The following GPHN variants were observed in gnomAD, a reference collection of about 807,000 sequenced individuals.
GPHN encodes gephyrin.
GPHN carries 17 observed loss-of-function variants against 95.5 expected under a neutral mutation model. That is an observed-to-expected ratio of 0.18 (90% CI 0.12 to 0.27). The LOEUF (loss-of-function observed/expected upper bound fraction) is 0.27. Among genes scored for constraint, GPHN ranks in the 10% least tolerant of loss-of-function variants. The probability of loss-of-function intolerance (pLI) is 1.00; values close to 1 mark genes in which losing one functional copy is unlikely to be tolerated. For missense variants in GPHN, 660 were observed against 978.1 expected (o/e 0.67, Z 4.34); for synonymous variants, 320 against 322.5 (o/e 0.99, Z 0.08).
chr14:67,508,761 A>AAAAAAAAAAAAAAAAAAAAAAAAAAAC, the GPHN span, among the ~76,000 whole-genome samples: 1 of 149,624 alleles, frequency 6.7e-6, no homozygotes, highest in Non-Finnish European at 1.5e-5. Flanking sequence ...CTCAAAAAAA[A>AAAAAAAAAAAAAAAAAAAAAAAAAAAC]AAAAAAAAAA....
At chr14:66,824,437 T>G in intron 3 of GPHN, 37 bp from the exon 4 acceptor site, 1 of 1,137,270 alleles carries the variant, frequency 8.8e-7, no homozygotes, top group East Asian at 2.4e-5. Context: ...AGCAGGCAAA[T>G]TTTTCTGCAC....
rs1488679863 is a variant in GPHN, at chr14:66,930,502, T to C, written c.828+6210T>C. Reference sequence around the variant, plus strand: ...TATTTTTTCTATCTATATTTTATAATAGTATGTCTCAAAAAGTTGTAGGTT... The same window carrying C: ...TATTTTTTCTATCTATATTTTATAACAGTATGTCTCAAAAAGTTGTAGGTT... On this transcript the variant is annotated intron_variant, in intron 8 of 22. Coordinates refer to ENST00000478722, the MANE Select transcript of GPHN (RefSeq NM_020806.5). Among the ~76,000 whole-genome samples, 3 of 151,028 alleles carry C rather than the reference T, an allele frequency of 2.0e-5. No homozygotes were observed. The East Asian group carries it at 5.9e-4, about 30-fold the overall frequency.
chr14:66,773,344 G>A lies in GPHN; in HGVS notation c.144-3120G>A, dbSNP rs1006255982. On this transcript the variant is annotated intron_variant, in intron 2 of 22. Coordinates refer to ENST00000478722, the MANE Select transcript of GPHN (RefSeq NM_020806.5). ...AACAAATCTTAGGAATTTTTGATTTGGGGAAATCTTTTTTTTTTTTTTTTT... is the reference window on the plus strand; with the variant it reads ...AACAAATCTTAGGAATTTTTGATTTAGGGAAATCTTTTTTTTTTTTTTTTT... Among the ~76,000 whole-genome samples the A allele has an allele frequency of 2.7e-5, 4 of 148,690 alleles. No individual in the cohort carries two copies. The East Asian group carries it at 8.0e-4, about 30-fold the overall frequency.
chr14:67,124,745 C>T (rs1253844907), intron 17 of GPHN, among the ~76,000 whole-genome samples: 1 of 152,026 alleles, frequency 6.6e-6, no homozygotes, highest in Non-Finnish European at 1.5e-5. Context: ...AAAAAGGGAG[C>T]TTTTAAATTG....
the GPHN span, chr14:67,586,815 A>T: frequency 6.9e-7 from 1 of 1,452,234 alleles, no homozygotes; most frequent in Non-Finnish European, 9.1e-7. Flanking sequence ...TGTAGAGCTA[A>T]CCAGAGCAGA....
At chr14:67,336,591 T>C in the GPHN span, 4 of 388,474 alleles carry the variant, frequency 1.0e-5, no homozygotes, top group Admixed American at 1.2e-4. Context: ...TTTTGCCTCC[T>C]AGAAAGGCAG....
At chr14:67,674,937 CGGACGAGA>C in the GPHN span, 1 of 153,028 alleles carries the variant, frequency 6.5e-6, no homozygotes, top group African/African-American at 2.4e-5. Context: ...TAGTTTGGCT[CGGACGAGA>C]GCGTCTCGTC....
the GPHN span, among the ~76,000 whole-genome samples, chr14:67,675,777 TCCCTTCTTG>T: frequency 6.6e-6 from 1 of 151,746 alleles, no homozygotes; most frequent in Non-Finnish European, 1.5e-5. Context: ...AATTACAAGG[TCCCTTCTTG>T]CACTCCATGG....
intron 5 of GPHN, among the ~76,000 whole-genome samples, chr14:66,890,398 G>A: frequency 7.4e-6 from 1 of 134,714 alleles, no homozygotes; most frequent in African/African-American, 2.9e-5. Context: ...GCAACAGAGT[G>A]AGACCCTGTC....
intron 5 of GPHN, among the ~76,000 whole-genome samples, chr14:66,914,795 AAG>A (rs2065829516): frequency 6.6e-6 from 1 of 152,104 alleles, no homozygotes; most frequent in Non-Finnish European, 1.5e-5. Flanking sequence ...TATTGACAAA[AAG>A]CTAAAATGTA....
At chr14:67,340,865 G>A in the GPHN span, among the ~76,000 whole-genome samples, 10 of 152,172 alleles carry the variant, frequency 6.6e-5, no homozygotes, top group Non-Finnish European at 8.8e-5. Context: ...TGGTGGAGAC[G>A]GGGTTTCGCT....
chr14:67,647,057 C>T, the GPHN span: 1 of 1,349,530 alleles, frequency 7.4e-7, no homozygotes, highest in Non-Finnish European at 1.1e-6. Flanking sequence ...CAGGGCAAAC[C>T]CCCAATGGGC....
At chr14:67,122,440 A>C in intron 17 of GPHN, 63 bp downstream of exon 17, 1 of 1,423,654 alleles carries the variant, frequency 7.0e-7, no homozygotes, top group Admixed American at 1.7e-5. Context: ...TGGAATACTC[A>C]TTAGGTGGAG....
At chr14:66,787,074 ACT>A (rs1263727163) in intron 3 of GPHN, among the ~76,000 whole-genome samples, 1 of 151,956 alleles carries the variant, frequency 6.6e-6, no homozygotes, top group Non-Finnish European at 1.5e-5. Flanking sequence ...AAGAAATAAA[ACT>A]CTCCCTGTTT....
intron 4 of GPHN, among the ~76,000 whole-genome samples, chr14:66,874,679 G>A (rs1378533331): frequency 6.6e-6 from 1 of 152,078 alleles, no homozygotes; most frequent in Non-Finnish European, 1.5e-5. Context: ...TCAAATTAAT[G>A]AAATAAAGCA....
intron 5 of GPHN, among the ~76,000 whole-genome samples, chr14:66,884,512 G>A (rs1358192679): frequency 6.6e-6 from 1 of 151,906 alleles, no homozygotes; most frequent in Non-Finnish European, 1.5e-5. Flanking sequence ...TGTTCCAGTG[G>A]TTAACTAAAC....
intron 4 of GPHN, among the ~76,000 whole-genome samples, chr14:66,846,399 C>T (rs937888690): frequency 1.6e-4 from 24 of 152,214 alleles, no homozygotes; most frequent in African/African-American, 5.1e-4. Context: ...AGACATAAAA[C>T]GTGGCTCTTA....
At chr14:66,590,160 G>A (rs976159140) in intron 1 of GPHN, among the ~76,000 whole-genome samples, 1 of 152,094 alleles carries the variant, frequency 6.6e-6, no homozygotes, top group Non-Finnish European at 1.5e-5. Flanking sequence ...GAATCTCTGG[G>A]ACACAGCTAA....
At chr14:66,776,685 A>T (rs1297506456) in intron 3 of GPHN, among the ~76,000 whole-genome samples, 164 bp downstream of exon 3, 2 of 152,118 alleles carry the variant, frequency 1.3e-5, no homozygotes, top group Non-Finnish European at 2.9e-5. Context: ...GATAATCACC[A>T]TCAGATTTAT....
Sources: allele counts gnomAD v4.1 joint callset (sites outside exome capture counted in the v4.1 genomes callset), GRCh38; gene constraint gnomAD v4.1.1; transcripts MANE v1.5; gene names NCBI Gene and HGNC (gene_info 2026-07-23, HGNC 2026-07-21).